DOK6: variants seen among roughly 807,000 people sequenced by gnomAD.
DOK6 encodes the protein downstream of tyrosine kinase 6.
Under a neutral mutation model 44.0 loss-of-function variants are expected in DOK6, and 22 were observed. That is an observed-to-expected ratio of 0.50 (90% confidence interval 0.36 to 0.71). The LOEUF is 0.71. Ranked by LOEUF, DOK6 falls within the 30% of genes least tolerant of loss-of-function variation. DOK6 has a pLI of 0.00. For synonymous variants in DOK6, 166 were observed against 145.5 expected (o/e 1.14, Z -1.01); for missense variants, 340 against 416.4 (o/e 0.82, Z 1.60).
At chr18:69,512,332 C>CTTTTT (rs548031851) in intron 1 of DOK6, among the ~76,000 whole-genome samples, 13 of 91,654 alleles carry the variant, frequency 1.4e-4, no homozygotes, top group South Asian at 4.4e-4. Flanking sequence ...CTTTCTTCTT[C>CTTTTT]TTTTTTTTTT....
At chr18:69,788,003 G>T (rs973433613) in intron 7 of DOK6, among the ~76,000 whole-genome samples, 3 of 152,110 alleles carry the variant, frequency 2.0e-5, no homozygotes, top group Non-Finnish European at 4.4e-5. Flanking sequence ...TGCAGAAGTT[G>T]CTGAGTCACC....
At chr18:69,698,286 C>T in intron 4 of DOK6, 118 bp from the exon 5 acceptor site, 1 of 844,786 alleles carries the variant, frequency 1.2e-6, no homozygotes, top group Non-Finnish European at 1.8e-6. Flanking sequence ...ATCCATATCA[C>T]CTAGGGAGGA....
At chr18:69,766,212 G>A (rs1443558440) in intron 7 of DOK6, among the ~76,000 whole-genome samples, 1 of 152,158 alleles carries the variant, frequency 6.6e-6, no homozygotes, top group African/African-American at 2.4e-5. Context: ...CTAAACATTG[G>A]TTACACATGG....
chr18:69,802,159 ATC>A (rs1338666922), intron 7 of DOK6, among the ~76,000 whole-genome samples: 1 of 152,166 alleles, frequency 6.6e-6, no homozygotes, highest in Non-Finnish European at 1.5e-5. Flanking sequence ...CGGTGCAATC[ATC>A]TCTTTCTACA....
chr18:69,737,080 G>C (rs1568110884), intron 5 of DOK6, among the ~76,000 whole-genome samples: 1 of 152,162 alleles, frequency 6.6e-6, no homozygotes, highest in African/African-American at 2.4e-5. Context: ...TGTTTAGACA[G>C]ATATGAAACA....
intron 1 of DOK6, among the ~76,000 whole-genome samples, chr18:69,507,874 G>A (rs1981240183): frequency 6.6e-6 from 1 of 151,910 alleles, no homozygotes. Flanking sequence ...TGCACTGACT[G>A]GATGCAGTCA....
rs74719641 is a variant in DOK6, at chr18:69,835,000, C to T, written c.857-6244C>T. ...GATCAAAACAGGACCTTGCCAAACA[C>T]TTATAAAACCATTAGATCTCGTGAG... On this transcript the variant is annotated intron_variant, in intron 7 of 7. Coordinates refer to ENST00000382713, the MANE Select transcript of DOK6 (RefSeq NM_152721.6). Among the ~76,000 whole-genome samples the T allele has an allele frequency of 8.6e-3, 1,315 of 152,270 alleles. 23 individuals carry two copies. The highest frequency in any genetic ancestry group is 0.076 in the East Asian group (393 of 5,160).
At chr18:69,832,099 G>A (rs770101313) in intron 7 of DOK6, among the ~76,000 whole-genome samples, 1 of 152,124 alleles carries the variant, frequency 6.6e-6, no homozygotes, top group Non-Finnish European at 1.5e-5. Flanking sequence ...GGGCATTCTT[G>A]TTTTGTTCCA....
chr18:69,476,111 G>A (rs1379301103), intron 1 of DOK6, among the ~76,000 whole-genome samples: 2 of 138,034 alleles, frequency 1.4e-5, no homozygotes, highest in East Asian at 2.0e-4. Context: ...CCTGGGGGTG[G>A]TGGAGGTTCC....
chr18:69,446,860 G>A (rs1001149332), intron 1 of DOK6, among the ~76,000 whole-genome samples: 14 of 152,184 alleles, frequency 9.2e-5, no homozygotes, highest in Non-Finnish European at 2.1e-4. Context: ...GTCTTCTTTT[G>A]AAAAATGTCT....
At chr18:69,606,850 G>C (rs375220454) in intron 3 of DOK6, among the ~76,000 whole-genome samples, 2 of 141,776 alleles carry the variant, frequency 1.4e-5, no homozygotes, top group African/African-American at 5.3e-5. Flanking sequence ...TGCAACCTCC[G>C]CCTCCCAGGT....
rs147145537 is a variant in DOK6 at position 69,698,501 on chromosome 18, C to T, written c.507C>T (p.Ile169=). The T allele has an allele frequency of 1.7e-5, 28 of 1,614,100 alleles. No homozygotes were observed. The East Asian group carries it at 2.5e-4, about 14-fold the overall frequency. ...ATGAAAATATCTATCTCTGGGATAT[C>T]CACAATGCCAAGGTCAAACTGGTGA... ...ITHENIYLWD[I]HNAKVKLVMW... Residue 169 remains isoleucine, a synonymous_variant, in exon 5 of 8, where the codon ATC becomes ATT. Transcript: ENST00000382713.
At chr18:69,557,377 G>C (rs562334526) in intron 1 of DOK6, among the ~76,000 whole-genome samples, 1 of 152,114 alleles carries the variant, frequency 6.6e-6, no homozygotes, top group African/African-American at 2.4e-5. Flanking sequence ...GCTAAATAAC[G>C]TAATTACGGC....
intron 3 of DOK6, among the ~76,000 whole-genome samples, chr18:69,603,198 G>A (rs1455271717): frequency 6.6e-6 from 1 of 152,124 alleles, no homozygotes; most frequent in Non-Finnish European, 1.5e-5. Context: ...AATTATCGAG[G>A]CCCTGCTTGG....
intron 1 of DOK6, among the ~76,000 whole-genome samples, chr18:69,464,902 CTT>C (rs1344181029): frequency 6.6e-6 from 1 of 152,154 alleles, no homozygotes; most frequent in African/African-American, 2.4e-5. Context: ...TCAGATCACA[CTT>C]TTCAAAGTAA....
chr18:69,560,269 C>T (rs1484726872), intron 1 of DOK6, among the ~76,000 whole-genome samples: 1 of 152,090 alleles, frequency 6.6e-6, no homozygotes, highest in East Asian at 1.9e-4. Context: ...TTAGGCATTA[C>T]AATATCACAT....
chr18:69,499,379 A>G (rs1338194856), intron 1 of DOK6, among the ~76,000 whole-genome samples: 2 of 152,190 alleles, frequency 1.3e-5, no homozygotes, highest in African/African-American at 4.8e-5. Context: ...GACTGAAAAC[A>G]ATATTCCTTA....
chr18:69,576,670 T>C (rs1413960996), intron 2 of DOK6, among the ~76,000 whole-genome samples: 1 of 152,158 alleles, frequency 6.6e-6, no homozygotes, highest in Non-Finnish European at 1.5e-5. Context: ...TAGAAACTTC[T>C]TGGCAGAGAG....
At chr18:69,684,946 T>G (rs1410250295) in intron 4 of DOK6, among the ~76,000 whole-genome samples, 5 of 152,166 alleles carry the variant, frequency 3.3e-5, no homozygotes, top group Admixed American at 3.3e-4. Flanking sequence ...GGAACTTTAT[T>G]GGCATACAGG....
Sources: allele counts gnomAD v4.1 joint callset (sites outside exome capture counted in the v4.1 genomes callset), GRCh38; gene constraint gnomAD v4.1.1; transcripts MANE v1.5; gene names NCBI Gene and HGNC (gene_info 2026-07-23, HGNC 2026-07-21).